SCFD2: variants seen among roughly 807,000 people sequenced by gnomAD.
SCFD2 encodes sec1 family domain containing 2.
A neutral mutation model predicts 58.9 loss-of-function variants in SCFD2; 54 were observed. The observed-to-expected ratio is 0.92, with a 90% CI of 0.74 to 1.15. SCFD2 has a LOEUF of 1.15. Ranked by LOEUF, SCFD2 falls within the 50% of genes most tolerant of loss-of-function variation. The probability of loss-of-function intolerance (pLI) is 0.00; values close to 1 mark genes in which losing one functional copy is unlikely to be tolerated. For missense variants in SCFD2, 805 were observed against 836.6 expected (o/e 0.96, Z 0.47); for synonymous variants, 321 against 335.9 (o/e 0.96, Z 0.49).
chr4:53,030,007 G>A (rs1722576320), intron 5 of SCFD2, among the ~76,000 whole-genome samples: 1 of 152,170 alleles, frequency 6.6e-6, no homozygotes, highest in Non-Finnish European at 1.5e-5. Flanking sequence ...TAAAACTTCT[G>A]ATCTATTAAA....
intron 3 of SCFD2, among the ~76,000 whole-genome samples, chr4:53,289,271 C>A (rs1290108290): frequency 6.6e-6 from 1 of 152,130 alleles, no homozygotes; most frequent in Non-Finnish European, 1.5e-5. Context: ...GAGGCTGAGG[C>A]AGGAGAATAG....
At chr4:53,085,670 C>T (rs974443972) in intron 5 of SCFD2, among the ~76,000 whole-genome samples, 1 of 152,122 alleles carries the variant, frequency 6.6e-6, no homozygotes, top group African/African-American at 2.4e-5. Context: ...TAGCATGGCA[C>T]TGGCATAAAA....
At chr4:52,908,020 T>A (rs1719388763) in intron 6 of SCFD2, among the ~76,000 whole-genome samples, 1 of 152,202 alleles carries the variant, frequency 6.6e-6, no homozygotes, top group Non-Finnish European at 1.5e-5. Context: ...GGAACTCCAA[T>A]GTTATTTACA....
At chr4:53,048,954 TA>T (rs1283530179) in intron 5 of SCFD2, among the ~76,000 whole-genome samples, 1 of 151,746 alleles carries the variant, frequency 6.6e-6, no homozygotes, top group Non-Finnish European at 1.5e-5. Context: ...CTCAAATAAA[TA>T]AATAAATAAA....
At position 53,229,896 on chromosome 4, in the gene SCFD2, A is replaced by C. The variant is rs1216248487; in HGVS notation, c.1311+43930T>G. Among the ~76,000 whole-genome samples, 4 of 152,320 alleles carry C rather than the reference A, an allele frequency of 2.6e-5. No homozygotes were observed. The East Asian group carries it at 7.7e-4, about 29-fold the overall frequency. On this transcript the variant is annotated intron_variant, in intron 4 of 8. Transcript: ENST00000401642. Reference sequence around the variant, plus strand: ...ATCTGACAAAGGGCTAATATCCAGAATCTACAATGAACTCAAACAAATTTA... The same window carrying C: ...ATCTGACAAAGGGCTAATATCCAGACTCTACAATGAACTCAAACAAATTTA...
At chr4:52,899,148 C>T (rs1026295835) in intron 7 of SCFD2, among the ~76,000 whole-genome samples, 8 of 152,186 alleles carry the variant, frequency 5.3e-5, no homozygotes, top group Non-Finnish European at 8.8e-5. Flanking sequence ...AGCCCATTTA[C>T]ATTTAAGGTT....
chr4:53,173,919 T>C (rs569130358), intron 4 of SCFD2, among the ~76,000 whole-genome samples: 7 of 152,264 alleles, frequency 4.6e-5, no homozygotes, highest in East Asian at 1.9e-4. Flanking sequence ...ATGTCTTCAA[T>C]AGCAGAATTA....
At chr4:53,339,517 C>T (rs1733794807) in intron 2 of SCFD2, among the ~76,000 whole-genome samples, 1 of 152,094 alleles carries the variant, frequency 6.6e-6, no homozygotes. Context: ...CGCCTGTAAT[C>T]CCAGCACTTT....
At chr4:53,343,780 G>A (rs999997104) in intron 2 of SCFD2, among the ~76,000 whole-genome samples, 4 of 152,182 alleles carry the variant, frequency 2.6e-5, no homozygotes, top group Non-Finnish European at 5.9e-5. Flanking sequence ...TCATCTCTGG[G>A]ATGCAAGGCT....
At chr4:52,891,510 G>C (rs1257773095) in intron 7 of SCFD2, among the ~76,000 whole-genome samples, 3 of 152,226 alleles carry the variant, frequency 2.0e-5, no homozygotes, top group Non-Finnish European at 4.4e-5. Context: ...GAAATAATTT[G>C]TCCAAAGCGG....
intron 5 of SCFD2, among the ~76,000 whole-genome samples, chr4:53,128,967 G>C (rs1378230090): frequency 1.3e-5 from 2 of 152,184 alleles, no homozygotes; most frequent in African/African-American, 4.8e-5. Context: ...CACTATGTGA[G>C]AAGAACAGTA....
rs1160998262 is a variant in SCFD2, at chr4:53,007,331, AGAGG to A, written c.1562-86465_1562-86462del. Among the ~76,000 whole-genome samples the A allele has an allele frequency of 6.1e-4, 80 of 130,898 alleles. 1 individual carries two copies. The highest frequency in any genetic ancestry group is 1.5e-3 in the African/African-American group (52 of 35,166). The allele number at this position is 130,898 out of a possible 152,430, so 85.9% of individuals were successfully genotyped here. A position where few individuals can be genotyped will look rare whatever the true frequency, so the allele number is the denominator to read the frequency against. ...GAGAGAGAGAGAGAGAGAGAGAGAGAGAGGGAGAGAGAGAGAGAGAGAAAAGAAA... is the reference window on the plus strand; with the variant it reads ...GAGAGAGAGAGAGAGAGAGAGAGAGAGAGAGAGAGAGAGAGAGAAAAGAAA... On this transcript the variant is annotated intron_variant, in intron 5 of 8. Coordinates refer to ENST00000401642, the MANE Select transcript of SCFD2 (RefSeq NM_152540.4).
At chr4:52,882,427 G>A (rs546444073) in intron 8 of SCFD2, among the ~76,000 whole-genome samples, 4 of 152,320 alleles carry the variant, frequency 2.6e-5, no homozygotes, top group African/African-American at 9.6e-5. Flanking sequence ...GGTTAATTGA[G>A]TGTCAACTTG....
intron 4 of SCFD2, among the ~76,000 whole-genome samples, chr4:53,192,329 A>G: frequency 6.6e-6 from 1 of 152,212 alleles, no homozygotes; most frequent in Non-Finnish European, 1.5e-5. Context: ...GTTTGTAAGC[A>G]TGAACCCTTA....
intron 6 of SCFD2, among the ~76,000 whole-genome samples, chr4:52,908,808 G>A (rs1719412561): frequency 6.6e-6 from 1 of 152,136 alleles, no homozygotes; most frequent in South Asian, 2.1e-4. Context: ...AAGATGCAGG[G>A]AAAACTAGCA....
intron 5 of SCFD2, among the ~76,000 whole-genome samples, chr4:52,933,177 G>T (rs767276469): frequency 2.0e-5 from 3 of 152,112 alleles, no homozygotes; most frequent in Non-Finnish European, 2.9e-5. Flanking sequence ...GTTAGGATCT[G>T]GAAGAAGTAG....
chr4:52,988,483 C>CTT (rs1400875722), intron 5 of SCFD2, among the ~76,000 whole-genome samples: 1 of 152,180 alleles, frequency 6.6e-6, no homozygotes, highest in Non-Finnish European at 1.5e-5. Context: ...TCCAGAAAGG[C>CTT]TTTAAGTTTG....
intron 3 of SCFD2, among the ~76,000 whole-genome samples, chr4:53,285,735 GA>G (rs2149081381): frequency 6.6e-6 from 1 of 152,002 alleles, no homozygotes; most frequent in South Asian, 2.1e-4. Context: ...GATCTGCTCA[GA>G]ACCAGAATGG....
intron 4 of SCFD2, among the ~76,000 whole-genome samples, chr4:53,243,159 A>G (rs1352305365): frequency 6.6e-6 from 1 of 152,204 alleles, no homozygotes; most frequent in Non-Finnish European, 1.5e-5. Context: ...CAAGAAGATC[A>G]TCCCCAAGAC....
Sources: allele counts gnomAD v4.1 joint callset (sites outside exome capture counted in the v4.1 genomes callset), GRCh38; gene constraint gnomAD v4.1.1; transcripts MANE v1.5; gene names NCBI Gene and HGNC (gene_info 2026-07-23, HGNC 2026-07-21).